Variants in C12orf42 observed in about 807,000 individuals in gnomAD.
C12orf42 encodes uncharacterized protein C12orf42.
C12orf42 carries 25 observed loss-of-function variants against 21.6 expected under a neutral mutation model. The ratio of observed to expected loss-of-function variants is 1.16; its 90% CI spans 0.84 to 1.62. The LOEUF (loss-of-function observed/expected upper bound fraction) is 1.62, where lower values mean the gene tolerates loss of function less well. Ranked by LOEUF, C12orf42 falls within the 40% of genes most tolerant of loss-of-function variation. The probability of loss-of-function intolerance (pLI) is 0.00; values close to 1 mark genes in which losing one functional copy is unlikely to be tolerated. For missense variants in C12orf42, 483 were observed against 459.3 expected (o/e 1.05, Z -0.47); for synonymous variants, 174 against 175.0 (o/e 0.99, Z 0.05).
the C12orf42 span, among the ~76,000 whole-genome samples, chr12:103,536,926 C>G: frequency 2.6e-5 from 4 of 152,054 alleles, no homozygotes; most frequent in African/African-American, 9.7e-5. Flanking sequence ...GTCTAACATG[C>G]TATAGTGTCT....
At chr12:103,375,819 C>T (rs2045644589) in intron 3 of C12orf42, among the ~76,000 whole-genome samples, 1 of 152,130 alleles carries the variant, frequency 6.6e-6, no homozygotes, top group Non-Finnish European at 1.5e-5. Flanking sequence ...ATTTTTAAGG[C>T]TAAGCCTTAC....
intron 2 of C12orf42, 94 bp from the exon 3 acceptor site, chr12:103,401,769 G>A: frequency 1.7e-6 from 2 of 1,180,498 alleles, no homozygotes; most frequent in East Asian, 4.9e-5. Flanking sequence ...CAGATCAGAA[G>A]CTAATTCTTT....
chr12:103,070,537 CACACA>C, the C12orf42 span, among the ~76,000 whole-genome samples: 51 of 151,798 alleles, frequency 3.4e-4, no homozygotes, highest in Admixed American at 6.6e-4. Context: ...CACACACACA[CACACA>C]CCCGACACAG....
At chr12:103,422,478 G>A (rs1414280844) in intron 2 of C12orf42, among the ~76,000 whole-genome samples, 1 of 152,128 alleles carries the variant, frequency 6.6e-6, no homozygotes, top group Non-Finnish European at 1.5e-5. Context: ...AGGATTTGGG[G>A]CTTTTTACTG....
At chr12:103,091,965 A>G in the C12orf42 span, among the ~76,000 whole-genome samples, 1 of 152,218 alleles carries the variant, frequency 6.6e-6, no homozygotes, top group Admixed American at 6.5e-5. Context: ...GACTGTCATC[A>G]CAAGTACTTG....
chr12:103,132,937 G>T, the C12orf42 span, among the ~76,000 whole-genome samples: 74 of 152,276 alleles, frequency 4.9e-4, 1 homozygote, highest in African/African-American at 1.7e-3. Context: ...TAAGCATTTA[G>T]CCTTGGGCCT....
chr12:103,270,040 G>A (rs1192182540), intron 5 of C12orf42: 1 of 152,078 alleles, frequency 6.6e-6, no homozygotes, highest in Non-Finnish European at 1.5e-5. Flanking sequence ...AAGGATTCTG[G>A]GTTTCAGACT....
the C12orf42 span, among the ~76,000 whole-genome samples, chr12:103,549,184 C>G: frequency 1.3e-5 from 2 of 152,174 alleles, no homozygotes; most frequent in Non-Finnish European, 2.9e-5. Context: ...GTCCTTCCTT[C>G]TCTATTTCTA....
chr12:103,223,142 A>C, the C12orf42 span, among the ~76,000 whole-genome samples: 1 of 152,074 alleles, frequency 6.6e-6, no homozygotes, highest in African/African-American at 2.4e-5. Flanking sequence ...TTCTTATATT[A>C]ATAAGAAAAA....
chr12:103,264,799 C>T (rs572260376), downstream of C12orf42, among the ~76,000 whole-genome samples: 1 of 152,244 alleles, frequency 6.6e-6, no homozygotes, highest in Non-Finnish European at 1.5e-5. Flanking sequence ...ACACTCCAGT[C>T]ATATATGGCA....
the C12orf42 span, among the ~76,000 whole-genome samples, chr12:103,227,480 G>A: frequency 6.6e-6 from 1 of 152,080 alleles, no homozygotes; most frequent in African/African-American, 2.4e-5. Flanking sequence ...GAGATAAGAG[G>A]CTGGGGTGTG....
chr12:103,422,280 C>G (rs189868185), intron 2 of C12orf42, among the ~76,000 whole-genome samples: 1 of 152,260 alleles, frequency 6.6e-6, no homozygotes, highest in East Asian at 1.9e-4. Flanking sequence ...AGAAACAACC[C>G]TCTGAAATGG....
At chr12:103,112,036 A>G in the C12orf42 span, among the ~76,000 whole-genome samples, 370 of 152,306 alleles carry the variant, frequency 2.4e-3, 1 homozygote, top group African/African-American at 8.7e-3. Flanking sequence ...CTGTGGTCTT[A>G]TCTGCGTATC....
chr12:103,281,542 G>A (rs1180783158), intron 4 of C12orf42, among the ~76,000 whole-genome samples: 3 of 152,110 alleles, frequency 2.0e-5, no homozygotes, highest in African/African-American at 4.8e-5. Flanking sequence ...ATTTTTAGTA[G>A]AGACGGGGTT....
intron 2 of C12orf42, among the ~76,000 whole-genome samples, chr12:103,415,711 C>T (rs566458612): frequency 6.6e-6 from 1 of 152,276 alleles, no homozygotes; most frequent in East Asian, 1.9e-4. Context: ...CATATGCTTT[C>T]AGAGTTTAAT....
At chr12:103,253,827 T>G (rs556826333) in intron 10 of C12orf42, among the ~76,000 whole-genome samples, 2 of 148,970 alleles carry the variant, frequency 1.3e-5, no homozygotes, top group Admixed American at 6.6e-5. Flanking sequence ...TTTAATGGGT[T>G]TTTTTTTTCT....
At chr12:103,145,843 T>C in the C12orf42 span, among the ~76,000 whole-genome samples, 1 of 152,124 alleles carries the variant, frequency 6.6e-6, no homozygotes, top group Non-Finnish European at 1.5e-5. Flanking sequence ...ATGTAAAATA[T>C]GTTGTTGAAC....
At chr12:103,433,062 T>C (rs1489101865) in intron 2 of C12orf42, among the ~76,000 whole-genome samples, 1 of 152,212 alleles carries the variant, frequency 6.6e-6, no homozygotes, top group Non-Finnish European at 1.5e-5. Context: ...TTTCACACTA[T>C]ACAGTAATTG....
intron 2 of C12orf42, among the ~76,000 whole-genome samples, chr12:103,457,854 T>G (rs1952416320): frequency 6.9e-6 from 1 of 145,406 alleles, no homozygotes; most frequent in Non-Finnish European, 1.6e-5. Flanking sequence ...CTTTTTAAAA[T>G]TAAAAACTTC....
Sources: gnomAD v4.1 joint callset for allele counts (sites outside exome capture counted in the v4.1 genomes callset) on GRCh38, gnomAD v4.1.1 for gene constraint, MANE v1.5 for transcripts, NCBI Gene and HGNC (gene_info 2026-07-23, HGNC 2026-07-21) for gene names.